PPP2R5E: variants seen among roughly 807,000 people sequenced by gnomAD.
PPP2R5E encodes protein phosphatase 2 regulatory subunit B'epsilon.
A neutral mutation model predicts 65.3 loss-of-function variants in PPP2R5E; 4 were observed. That is an observed-to-expected ratio of 0.06 (90% CI 0.03 to 0.14). The LOEUF is 0.14. Among genes scored for constraint, PPP2R5E ranks in the 10% least tolerant of loss-of-function variants. The pLI is 1.00. For missense variants in PPP2R5E, 274 were observed against 556.1 expected (o/e 0.49, Z 5.10); for synonymous variants, 183 against 187.4 (o/e 0.98, Z 0.19).
At chr14:63,525,587 T>G (rs997295315) in intron 2 of PPP2R5E, among the ~76,000 whole-genome samples, 3 of 152,112 alleles carry the variant, frequency 2.0e-5, no homozygotes, top group Non-Finnish European at 4.4e-5. Context: ...GAAACTCCTT[T>G]GAGAATCTGA....
At chr14:63,533,723 G>A (rs187012776) in intron 2 of PPP2R5E, among the ~76,000 whole-genome samples, 2 of 151,828 alleles carry the variant, frequency 1.3e-5, no homozygotes, top group Non-Finnish European at 2.9e-5. Flanking sequence ...GCAGGCGGAC[G>A]CACCTGTGGT....
At chr14:63,462,097 G>A (rs1889509585) in intron 2 of PPP2R5E, among the ~76,000 whole-genome samples, 1 of 147,072 alleles carries the variant, frequency 6.8e-6, no homozygotes, top group Non-Finnish European at 1.5e-5. Flanking sequence ...TTTAGACGGA[G>A]TCTCGCTCTG....
At chr14:63,428,991 A>AT (rs1887484524) in intron 3 of PPP2R5E, among the ~76,000 whole-genome samples, 1 of 152,212 alleles carries the variant, frequency 6.6e-6, no homozygotes, top group South Asian at 2.1e-4. Context: ...ATATCTGCCA[A>AT]TATTAACAAA....
chr14:63,468,338 G>C (rs1889942986), intron 2 of PPP2R5E, among the ~76,000 whole-genome samples: 1 of 152,080 alleles, frequency 6.6e-6, no homozygotes, highest in African/African-American at 2.4e-5. Flanking sequence ...GGTTGTGTAA[G>C]CATATTTGAA....
At chr14:63,463,306 A>AT (rs1372125265) in intron 2 of PPP2R5E, among the ~76,000 whole-genome samples, 3 of 147,248 alleles carry the variant, frequency 2.0e-5, no homozygotes, top group African/African-American at 5.0e-5. Context: ...CGCCCAGCTA[A>AT]TTTTTTGTAT....
chr14:63,539,412 G>T, intron 2 of PPP2R5E, 117 bp downstream of exon 2: 5 of 1,093,314 alleles, frequency 4.6e-6, no homozygotes, highest in Admixed American at 2.6e-5. Flanking sequence ...TTCAATGTAT[G>T]TGAAGTATCC....
intron 2 of PPP2R5E, among the ~76,000 whole-genome samples, chr14:63,516,103 C>T (rs543078645): frequency 6.6e-6 from 1 of 152,236 alleles, no homozygotes; most frequent in African/African-American, 2.4e-5. Flanking sequence ...CCCACCTCCG[C>T]CTCCTAAAGT....
chr14:63,440,809 C>T (rs1183078362), intron 3 of PPP2R5E, among the ~76,000 whole-genome samples: 9 of 140,468 alleles, frequency 6.4e-5, no homozygotes, highest in African/African-American at 2.0e-4. Flanking sequence ...ATTAGCTGGG[C>T]GTGGTGGCAG....
intron 8 of PPP2R5E, 109 bp downstream of exon 8, chr14:63,393,711 C>CAA (rs201879682): frequency 1.8e-4 from 130 of 705,174 alleles, no homozygotes; most frequent in African/African-American, 1.0e-3. Flanking sequence ...GACTCCGTCT[C>CAA]AAAAAACAAA....
intron 1 of PPP2R5E, among the ~76,000 whole-genome samples, chr14:63,541,145 A>G (rs1403130083): frequency 6.6e-6 from 1 of 152,224 alleles, no homozygotes; most frequent in Non-Finnish European, 1.5e-5. Flanking sequence ...AGCTATGATA[A>G]ACTATACCAC....
rs565556831 is a variant in PPP2R5E, at chr14:63,420,656, C to G, written c.456+1337G>C. ...CTTTGAGTTGTCAAAGCAGGACAGA[C>G]AGACTTGCAAATTTGTGTCAGAAAT... On this transcript the variant is annotated intron_variant, in intron 4 of 13. Transcript: ENST00000337537. Among the ~76,000 whole-genome samples the G allele has an allele frequency of 1.0e-3, 155 of 152,286 alleles. 1 individual carries two copies. Among genetic ancestry groups the G allele is most frequent in the Admixed American group, 2.9e-3 (45 of 15,302 alleles).
At chr14:63,399,737 G>T (rs1475037) in intron 5 of PPP2R5E, among the ~76,000 whole-genome samples, 3,174 of 151,878 alleles carry the variant, frequency 0.021, 115 homozygotes, top group African/African-American at 0.073. Flanking sequence ...TTACTGAGTT[G>T]TTTTTTTTAA....
At chr14:63,396,923 A>G (rs991874958) in intron 5 of PPP2R5E, among the ~76,000 whole-genome samples, 6 of 152,238 alleles carry the variant, frequency 3.9e-5, no homozygotes, top group African/African-American at 1.4e-4. Flanking sequence ...CAAATACAAA[A>G]TAACAACAAT....
Position 63,384,479 on chromosome 14 carries a change from G to A in PPP2R5E, c.1167C>T (p.Ser389=), listed in dbSNP as rs1173709548. The A allele has an allele frequency of 1.2e-6, 2 of 1,613,554 alleles. No individual in the cohort carries two copies. Among genetic ancestry groups the A allele is most frequent in the African/African-American group, 1.3e-5 (1 of 74,848 alleles). ...NSNVILPIMF[S]SLYRISKEHW... ...GTTCTTTTGAAATCCTATAAAGGCT[G>A]GAAAACATGATGGGAAGGATGACGT... Residue 389 remains serine (S), a synonymous_variant, in exon 12 of 14, where the codon TCC becomes TCT. Transcript: ENST00000337537.
intron 2 of PPP2R5E, among the ~76,000 whole-genome samples, chr14:63,460,573 G>A (rs2139506945): frequency 6.6e-6 from 1 of 152,306 alleles, no homozygotes; most frequent in Non-Finnish European, 1.5e-5. Flanking sequence ...ACTTACAACA[G>A]TATAAAATCA....
At chr14:63,432,104 A>C (rs1323932524) in intron 3 of PPP2R5E, among the ~76,000 whole-genome samples, 1 of 152,188 alleles carries the variant, frequency 6.6e-6, no homozygotes, top group Non-Finnish European at 1.5e-5. Context: ...GCCAATATTC[A>C]AAAGGCAGTA....
chr14:63,456,453 A>T (rs1019385461), intron 2 of PPP2R5E, among the ~76,000 whole-genome samples: 1 of 152,242 alleles, frequency 6.6e-6, no homozygotes, highest in Non-Finnish European at 1.5e-5. Flanking sequence ...CAGGCTATCC[A>T]CCTGTCCAGT....
chr14:63,458,758 G>A (rs1889290404), intron 2 of PPP2R5E, among the ~76,000 whole-genome samples: 1 of 152,014 alleles, frequency 6.6e-6, no homozygotes, highest in Non-Finnish European at 1.5e-5. Flanking sequence ...AACATTGCTT[G>A]AGCTCCTAAT....
chr14:63,514,988 C>G (rs933547600), intron 2 of PPP2R5E, among the ~76,000 whole-genome samples: 3 of 152,164 alleles, frequency 2.0e-5, no homozygotes, highest in Admixed American at 2.0e-4. Context: ...CCAAACCTAT[C>G]CCTCTTTTCA....
Sources: gnomAD v4.1 joint callset for allele counts (sites outside exome capture counted in the v4.1 genomes callset) on GRCh38, gnomAD v4.1.1 for gene constraint, MANE v1.5 for transcripts, NCBI Gene and HGNC (gene_info 2026-07-23, HGNC 2026-07-21) for gene names.